The following HELZ variants were observed in gnomAD, a reference collection of about 807,000 sequenced individuals.
HELZ encodes ATP-dependent RNA helicase with zinc finger domain.
Under a neutral mutation model 218.2 loss-of-function variants are expected in HELZ, and 23 were observed. The ratio of observed to expected loss-of-function variants is 0.11; its 90% CI spans 0.08 to 0.15. The LOEUF (loss-of-function observed/expected upper bound fraction) is 0.15, where lower values mean the gene tolerates loss of function less well. HELZ is among the 10% of genes least tolerant of loss of function. The pLI is 1.00. For synonymous variants in HELZ, 814 were observed against 829.4 expected (o/e 0.98, Z 0.32); for missense variants, 1,813 against 2,353.7 (o/e 0.77, Z 4.75).
intron 5 of HELZ, 30 bp from the exon 6 acceptor site, chr17:67,203,473 A>G (rs781000756): frequency 1.2e-6 from 2 of 1,608,730 alleles, no homozygotes; most frequent in Non-Finnish European, 1.7e-6. Context: ...ATCATTAACC[A>G]TATGACATTT....
At chr17:67,133,351 G>A (rs1401260038) in intron 23 of HELZ, among the ~76,000 whole-genome samples, 1 of 152,084 alleles carries the variant, frequency 6.6e-6, no homozygotes, top group Non-Finnish European at 1.5e-5. Context: ...CTCTAAGAAA[G>A]TAATGATTTC....
chr17:67,162,699 C>A (rs2039025451), intron 15 of HELZ, among the ~76,000 whole-genome samples: 1 of 152,010 alleles, frequency 6.6e-6, no homozygotes, highest in South Asian at 2.1e-4. Flanking sequence ...ACTTCTATAC[C>A]CAATAAAATA....
At chr17:67,086,732 T>G in intron 32 of HELZ, 97 bp downstream of exon 32, 1 of 1,264,490 alleles carries the variant, frequency 7.9e-7, no homozygotes, top group South Asian at 1.3e-5. Context: ...TCAAAGATGA[T>G]AATGCAAATT....
intron 5 of HELZ, among the ~76,000 whole-genome samples, chr17:67,206,002 C>A (rs556080858): frequency 1.3e-5 from 2 of 152,080 alleles, no homozygotes; most frequent in Non-Finnish European, 2.9e-5. Context: ...TATCGTATAA[C>A]AAAATTAAAT....
In HELZ at chr17:67,107,147, AG is replaced by A. The variant is rs751332609; in HGVS notation, c.5241+21del. ...TTTTTCACAATCAGCTAATAACAAA[AG>A]GAAAATAAGAAGACATTTACCTCTT... On this transcript the variant is annotated intron_variant, in intron 31 of 32. Coordinates refer to ENST00000358691, the MANE Select transcript of HELZ (RefSeq NM_014877.4). 2.0e-5 allele frequency: 32 copies of A among 1,570,850 alleles called. No homozygotes were observed. The East Asian group carries it at 2.5e-4, about 12-fold the overall frequency.
intron 26 of HELZ, among the ~76,000 whole-genome samples, chr17:67,122,502 C>A (rs538256827): frequency 1.3e-5 from 2 of 151,694 alleles, no homozygotes; most frequent in Admixed American, 6.6e-5. Flanking sequence ...GCCAAGATCA[C>A]GCCACAGCAC....
At position 67,157,343 on chromosome 17, in the gene HELZ, C is replaced by T. The variant is rs114280557; in HGVS notation, c.2177+2918G>A. Among the ~76,000 whole-genome samples the T allele has an allele frequency of 2.5e-3, 384 of 152,270 alleles. 1 individual carries two copies. Among genetic ancestry groups the T allele is most frequent in the African/African-American group, 8.6e-3 (358 of 41,538 alleles). Reference sequence around the variant, plus strand: ...CTGAAGTTCTAAGTCTCACTGCTGACGTTTTCACAATTACCTTGGAAAGCT... The same window carrying T: ...CTGAAGTTCTAAGTCTCACTGCTGATGTTTTCACAATTACCTTGGAAAGCT... On this transcript the variant is annotated intron_variant, in intron 17 of 32. Coordinates refer to ENST00000358691, the MANE Select transcript of HELZ (RefSeq NM_014877.4).
chr17:67,237,656 G>C (rs2143489552), intron 3 of HELZ, among the ~76,000 whole-genome samples: 1 of 152,226 alleles, frequency 6.6e-6, no homozygotes, highest in South Asian at 2.1e-4. Context: ...TTAAGTCTTA[G>C]CCAGAGTGCA....
chr17:67,168,607 A>G (rs2039218421), intron 13 of HELZ, among the ~76,000 whole-genome samples: 2 of 152,352 alleles, frequency 1.3e-5, no homozygotes, highest in Admixed American at 6.5e-5. Context: ...ATGTTAATGA[A>G]TAACATTTAA....
At chr17:67,109,001 GT>G in intron 29 of HELZ, 114 bp downstream of exon 29, 1 of 877,858 alleles carries the variant, frequency 1.1e-6, no homozygotes, top group South Asian at 1.8e-5. Flanking sequence ...AAATGGGGGG[GT>G]TTTGCTAGCA....
chr17:67,178,918 A>G lies in HELZ; in HGVS notation c.1171T>C (p.Tyr391His). ...AGCTGCTGTTTTGCATGCATCAGGT[A>G]TTCGAGATCTAAATGGAAACAAAAA... ...IDAASTEDLEYLMHAKQQLVT... is the reference protein window; with the variant it reads ...IDAASTEDLEHLMHAKQQLVT... The change falls in exon 13 of 33, where the codon TAC becomes CAC. Residue 391 changes from tyrosine (Y) to histidine (H), a missense_variant. Physicochemically the swap from Tyr to His is moderately conservative, Grantham distance 83. Around this residue, in one of 4 missense-constraint regions of HELZ, gnomAD observed 714 missense variants for 1,029.2 expected, o/e 0.69. Coordinates refer to ENST00000358691, the MANE Select transcript of HELZ (RefSeq NM_014877.4). 3 of 1,593,438 alleles carry G rather than the reference A, an allele frequency of 1.9e-6. No individual in the cohort carries two copies. Among genetic ancestry groups the G allele is most frequent in the Non-Finnish European group, 8.6e-7 (1 of 1,169,010 alleles).
At chr17:67,219,583 C>G (rs2040690745) in intron 3 of HELZ, among the ~76,000 whole-genome samples, 1 of 152,108 alleles carries the variant, frequency 6.6e-6, no homozygotes, top group African/African-American at 2.4e-5. Flanking sequence ...AGTGAAATCA[C>G]CAAGGGGAGA....
At chr17:67,245,070 G>C in intron 1 of HELZ, 78 bp downstream of exon 1, 2 of 984,624 alleles carry the variant, frequency 2.0e-6, no homozygotes, top group Non-Finnish European at 2.4e-6. Context: ...CCGGAGGGGA[G>C]TCGGGTCCCC....
intron 25 of HELZ, 128 bp from the exon 26 acceptor site, chr17:67,123,288 T>A: frequency 3.7e-6 from 2 of 537,250 alleles, no homozygotes; most frequent in Non-Finnish European, 6.1e-6. Flanking sequence ...ATCAAAGAAT[T>A]ATCAGTGTGG....
chr17:67,203,251 A>G (rs1471204203), intron 6 of HELZ, 68 bp downstream of exon 6: 1 of 1,495,342 alleles, frequency 6.7e-7, no homozygotes, highest in African/African-American at 1.4e-5. Context: ...TTTTTTCCCC[A>G]CAATATACCT....
intron 9 of HELZ, among the ~76,000 whole-genome samples, chr17:67,191,110 T>C (rs561393749): frequency 6.6e-6 from 1 of 152,350 alleles, no homozygotes; most frequent in East Asian, 1.9e-4. Context: ...AAAAATTTTC[T>C]ATATATGGGA....
At chr17:67,134,616 T>G (rs2038089788) in intron 23 of HELZ, among the ~76,000 whole-genome samples, 3 of 152,124 alleles carry the variant, frequency 2.0e-5, no homozygotes, top group Admixed American at 2.0e-4. Flanking sequence ...GATATTAACT[T>G]TTTGAGGGGT....
chr17:67,130,651 C>T (rs1325095339), intron 23 of HELZ, among the ~76,000 whole-genome samples: 1 of 152,086 alleles, frequency 6.6e-6, no homozygotes, highest in East Asian at 1.9e-4. Flanking sequence ...TCTTATATAG[C>T]ACTCAGGATC....
chr17:67,243,865 C>T (rs557324315), intron 1 of HELZ, 26 bp from the exon 2 acceptor site: 18 of 341,072 alleles, frequency 5.3e-5, no homozygotes, highest in African/African-American at 3.6e-4. Context: ...AAGATGTTTC[C>T]ATACAACACC....
Sources: gnomAD v4.1 joint callset for allele counts (sites outside exome capture counted in the v4.1 genomes callset) on GRCh38, gnomAD v4.1.1 for gene constraint, gnomAD v4.1.1 regional missense constraint, MANE v1.5 for transcripts, NCBI Gene and HGNC (gene_info 2026-07-23, HGNC 2026-07-21) for gene names.